The following FAM117A variants were observed in gnomAD, a reference collection of about 807,000 sequenced individuals.
FAM117A encodes the protein family with sequence similarity 117 member A, also known as protein FAM117A.
FAM117A carries 21 observed loss-of-function variants against 44.1 expected under a neutral mutation model. The observed-to-expected ratio is 0.48, with a 90% CI of 0.34 to 0.69. FAM117A has a LOEUF of 0.69. Among genes scored for constraint, FAM117A ranks in the 30% least tolerant of loss-of-function variants. The probability of loss-of-function intolerance (pLI) is 0.01; values close to 1 mark genes in which losing one functional copy is unlikely to be tolerated. For missense variants in FAM117A, 498 were observed against 589.9 expected, an observed-to-expected ratio of 0.84 and a Z score of 1.61; for synonymous variants, 220 against 238.3, an observed-to-expected ratio of 0.92 and a Z score of 0.71.
intron 2 of FAM117A, among the ~76,000 whole-genome samples, chr17:49,726,968 G>T (rs1004997389): frequency 1.3e-5 from 2 of 151,174 alleles, no homozygotes; most frequent in African/African-American, 4.9e-5. Context: ...AATAGAGTGA[G>T]ACCCTGTCTC....
At chr17:49,754,376 C>T (rs1056478769) in intron 1 of FAM117A, among the ~76,000 whole-genome samples, 6 of 151,828 alleles carry the variant, frequency 4.0e-5, no homozygotes, top group African/African-American at 7.3e-5. Context: ...GCCATCTCGG[C>T]GCACTGCAAG....
upstream of FAM117A, chr17:49,788,760 G>C (rs957688845): frequency 1.3e-6 from 2 of 1,517,134 alleles, no homozygotes; most frequent in Non-Finnish European, 1.8e-6. Context: ...GGCCGCCACG[G>C]AGCCCGCCGG....
intron 1 of FAM117A, among the ~76,000 whole-genome samples, chr17:49,750,429 T>C (rs1469977418): frequency 1.3e-5 from 2 of 149,046 alleles, no homozygotes; most frequent in African/African-American, 4.9e-5. Flanking sequence ...CTGTTCCTTT[T>C]TCTTTGCCAA....
intron 1 of FAM117A, among the ~76,000 whole-genome samples, chr17:49,786,977 G>C (rs1040178926): frequency 4.6e-5 from 7 of 151,968 alleles, no homozygotes; most frequent in Non-Finnish European, 1.0e-4. Flanking sequence ...CCAGCTACTC[G>C]GGAGGCTGAG....
In FAM117A at chr17:49,719,535, CCT is replaced by C. The variant is rs976106174; in HGVS notation, c.708+223_708+224del. The C allele has an allele frequency of 5.7e-5, 25 of 441,536 alleles. No individual in the cohort carries two copies. The Admixed American group carries it at 6.8e-4, about 12-fold the overall frequency. The allele number at this position is 441,536 out of a possible 1,614,324, so 27.4% of individuals were successfully genotyped here. ...GCCTCCTCTCTGCCAATCCTTGCCC[CCT>C]GTCTTTGTACTCACCACCACAAAGC... On this transcript the variant is annotated intron_variant, in intron 5 of 7. Transcript: ENST00000240364.
rs1224435213 is a variant in FAM117A, at chr17:49,714,998, G to A, written c.1061+1167C>T. Among the ~76,000 whole-genome samples the A allele has an allele frequency of 3.3e-5, 5 of 152,262 alleles. No individual in the cohort carries two copies. The South Asian group carries it at 8.3e-4, about 25-fold the overall frequency. Reference sequence around the variant, plus strand: ...GCAGGGGCAGGAAGATAAATGAGCTGACTTTAAGGCCTCTTCTGGCACTGA... The same window carrying A: ...GCAGGGGCAGGAAGATAAATGAGCTAACTTTAAGGCCTCTTCTGGCACTGA... On this transcript the variant is annotated intron_variant, in intron 7 of 7. Transcript: ENST00000240364.
At chr17:49,770,944 T>C (rs1226128413) in intron 1 of FAM117A, among the ~76,000 whole-genome samples, 1 of 150,854 alleles carries the variant, frequency 6.6e-6, no homozygotes, top group Non-Finnish European at 1.5e-5. Flanking sequence ...TGGTGGCTCA[T>C]GACTGTAATC....
intron 1 of FAM117A, among the ~76,000 whole-genome samples, chr17:49,741,909 A>G (rs1437817065): frequency 6.6e-6 from 1 of 152,164 alleles, no homozygotes; most frequent in Non-Finnish European, 1.5e-5. Flanking sequence ...TGAAATTTCC[A>G]ATATGACTGT....
chr17:49,777,911 G>T (rs1181976065), intron 1 of FAM117A, among the ~76,000 whole-genome samples: 1 of 152,224 alleles, frequency 6.6e-6, no homozygotes, highest in Admixed American at 6.5e-5. Flanking sequence ...GCCCAAGAGT[G>T]GAGGGCACTG....
At chr17:49,745,667 G>A (rs1439190128) in intron 1 of FAM117A, among the ~76,000 whole-genome samples, 1 of 152,106 alleles carries the variant, frequency 6.6e-6, no homozygotes, top group African/African-American at 2.4e-5. Flanking sequence ...GGAAATACAG[G>A]GGATAGAGGA....
chr17:49,755,626 T>C (rs2073695658), intron 1 of FAM117A, among the ~76,000 whole-genome samples: 1 of 152,186 alleles, frequency 6.6e-6, no homozygotes, highest in Admixed American at 6.5e-5. Flanking sequence ...ATGACATCTA[T>C]GGAAATGCCA....
intron 2 of FAM117A, among the ~76,000 whole-genome samples, chr17:49,723,330 A>G (rs2073544092): frequency 6.6e-6 from 1 of 152,100 alleles, no homozygotes; most frequent in Non-Finnish European, 1.5e-5. Flanking sequence ...CAGGGCCCTC[A>G]GTGTGCATCT....
intron 1 of FAM117A, among the ~76,000 whole-genome samples, chr17:49,785,980 G>A (rs767422489): frequency 9.2e-5 from 14 of 152,170 alleles, no homozygotes; most frequent in Non-Finnish European, 2.1e-4. Flanking sequence ...TGCTTGGAAA[G>A]CTAATTGTGT....
chr17:49,758,986 G>A (rs1287583781), intron 1 of FAM117A, among the ~76,000 whole-genome samples: 1 of 152,170 alleles, frequency 6.6e-6, no homozygotes, highest in East Asian at 1.9e-4. Context: ...GTGTTCTCTT[G>A]GCTATTAAAG....
intron 1 of FAM117A, among the ~76,000 whole-genome samples, chr17:49,733,945 A>T (rs2073598257): frequency 6.6e-6 from 1 of 151,706 alleles, no homozygotes; most frequent in Non-Finnish European, 1.5e-5. Flanking sequence ...GATTGAGACT[A>T]TCCTAGCTAA....
intron 1 of FAM117A, among the ~76,000 whole-genome samples, chr17:49,746,666 T>C (rs984329437): frequency 2.6e-5 from 4 of 152,196 alleles, no homozygotes; most frequent in African/African-American, 9.7e-5. Flanking sequence ...ACCTCAGATA[T>C]ACACAGCCAA....
chr17:49,717,272 T>C (rs1028005133), intron 6 of FAM117A, among the ~76,000 whole-genome samples: 3 of 152,236 alleles, frequency 2.0e-5, no homozygotes, highest in Non-Finnish European at 2.9e-5. Flanking sequence ...GATTGCTTCT[T>C]TGGATCCCAG....
intron 1 of FAM117A, among the ~76,000 whole-genome samples, chr17:49,755,794 G>T (rs930967455): frequency 1.3e-4 from 20 of 152,200 alleles, no homozygotes; most frequent in African/African-American, 4.6e-4. Flanking sequence ...GGGACCAGAA[G>T]TGGGAAAGAC....
chr17:49,745,066 C>T (rs1165399330), intron 1 of FAM117A, among the ~76,000 whole-genome samples: 1 of 143,420 alleles, frequency 7.0e-6, no homozygotes, highest in Non-Finnish European at 1.5e-5. Context: ...TAAGTCTGTA[C>T]AATTTTTTCC....
Sources: allele counts gnomAD v4.1 joint callset (sites outside exome capture counted in the v4.1 genomes callset), GRCh38; gene constraint gnomAD v4.1.1; transcripts MANE v1.5; gene names NCBI Gene and HGNC (gene_info 2026-07-23, HGNC 2026-07-21).